KIF6: variants seen among roughly 807,000 people sequenced by gnomAD.
KIF6 encodes the protein kinesin family member 6, also known as kinesin-like protein KIF6.
KIF6 carries 106 observed loss-of-function variants against 112.7 expected under a neutral mutation model. The ratio of observed to expected loss-of-function variants is 0.94; its 90% CI spans 0.80 to 1.11. The LOEUF is 1.11. Among genes scored for constraint, KIF6 ranks in the 50% least tolerant of loss-of-function variants. KIF6 has a pLI of 0.00. For missense variants in KIF6, 929 were observed against 964.0 expected (o/e 0.96, Z 0.48); for synonymous variants, 339 against 339.9 (o/e 1.00, Z 0.03).
Position 39,431,159 on chromosome 6 carries a change from T to C in KIF6, c.1648A>G (p.Met550Val). 1.3e-6 allele frequency: 2 copies of C among 1,585,386 alleles called. No individual in the cohort carries two copies. Among genetic ancestry groups the C allele is most frequent in the Middle Eastern group, 1.7e-4 (1 of 6,036 alleles). Residue 550 changes from methionine to valine, a missense_variant and splice_region_variant, in exon 14 of 23, where the codon ATG becomes GTG. Coordinates refer to ENST00000287152, the MANE Select transcript of KIF6 (RefSeq NM_145027.6). ...CATCCTAATGACATTTCCTCTCTCA[T>C]TCCTGTTTGGAGACACAGGGAAATG... The part of the protein sequence containing the change: ...RSSLLHKKIG[M>V]REEMSLGCQE...
In KIF6 at chr6:39,599,130, A is replaced by T. The variant is rs569661902; in HGVS notation, c.640-2870T>A. ...GGATGTTGGTTACATTATTCTCTGT[A>T]CTTTTTTGTGTTTTACATTTTTTGG... On this transcript the variant is annotated intron_variant, in intron 6 of 22. Transcript: ENST00000287152. Among the ~76,000 whole-genome samples, 9 of 152,322 alleles carry T rather than the reference A, an allele frequency of 5.9e-5. No individual in the cohort carries two copies. In the East Asian group the frequency reaches 1.5e-3, roughly 26 times the overall value.
intron 13 of KIF6, among the ~76,000 whole-genome samples, chr6:39,539,680 A>G (rs1228174533): frequency 1.3e-5 from 2 of 152,114 alleles, no homozygotes; most frequent in Non-Finnish European, 2.9e-5. Context: ...CAGATAGTTC[A>G]TTTGGATTTA....
intron 3 of KIF6, among the ~76,000 whole-genome samples, chr6:39,641,097 T>C (rs1352799237): frequency 6.6e-6 from 1 of 152,176 alleles, no homozygotes; most frequent in Non-Finnish European, 1.5e-5. Context: ...AGAATCTTTT[T>C]CCTCAACAGA....
chr6:39,385,771 AGGTAGAGTAAGGG>A, intron 15 of KIF6, 99 bp from the exon 16 acceptor site: 1 of 772,352 alleles, frequency 1.3e-6, no homozygotes, highest in African/African-American at 1.8e-5. Context: ...AAAAAAAAAA[AGGTAGAGTAAGGG>A]AAACAAAAGC....
At chr6:39,600,401 C>T (rs1196773052) in intron 6 of KIF6, among the ~76,000 whole-genome samples, 1 of 152,014 alleles carries the variant, frequency 6.6e-6, no homozygotes, top group African/African-American at 2.4e-5. Flanking sequence ...TGGATGTTGC[C>T]CTCAAGGAAC....
At chr6:39,705,828 T>A (rs768757288) in intron 3 of KIF6, among the ~76,000 whole-genome samples, 11 of 152,194 alleles carry the variant, frequency 7.2e-5, no homozygotes, top group Non-Finnish European at 1.3e-4. Flanking sequence ...AACCTGCTCC[T>A]TAAAGGACCC....
intron 15 of KIF6, among the ~76,000 whole-genome samples, chr6:39,408,363 A>G (rs1049812539): frequency 7.2e-5 from 11 of 152,192 alleles, no homozygotes; most frequent in African/African-American, 2.7e-4. Flanking sequence ...CCCTAATTCT[A>G]CTTCTACTCA....
At chr6:39,539,160 A>G (rs1326006594) in intron 13 of KIF6, among the ~76,000 whole-genome samples, 1 of 151,686 alleles carries the variant, frequency 6.6e-6, no homozygotes. Context: ...TGGCACATGT[A>G]TACATATGTA....
At chr6:39,494,605 G>T (rs1775666886) in intron 13 of KIF6, among the ~76,000 whole-genome samples, 1 of 152,106 alleles carries the variant, frequency 6.6e-6, no homozygotes, top group Non-Finnish European at 1.5e-5. Flanking sequence ...TCTCTAGAAA[G>T]AAATCCTAAT....
At chr6:39,545,291 C>T (rs1218391076) in intron 11 of KIF6, among the ~76,000 whole-genome samples, 2 of 152,102 alleles carry the variant, frequency 1.3e-5, no homozygotes, top group Non-Finnish European at 2.9e-5. Context: ...ATGCAATTCT[C>T]TTGATATAGC....
At chr6:39,554,268 T>A (rs1310933303) in intron 10 of KIF6, 1 of 153,340 alleles carries the variant, frequency 6.5e-6, no homozygotes, top group Non-Finnish European at 1.5e-5. Flanking sequence ...CCTCCTACCA[T>A]ACTGGCCACA....
At chr6:39,452,092 C>T (rs1772735378) in intron 13 of KIF6, among the ~76,000 whole-genome samples, 1 of 152,174 alleles carries the variant, frequency 6.6e-6, no homozygotes, top group Non-Finnish European at 1.5e-5. Flanking sequence ...CTGTTTTGGG[C>T]AACTGTTTTT....
intron 13 of KIF6, among the ~76,000 whole-genome samples, chr6:39,537,060 G>T (rs1248414899): frequency 2.0e-5 from 3 of 152,020 alleles, no homozygotes; most frequent in Admixed American, 2.0e-4. Context: ...TTGATGGGAC[G>T]TATCTCAAAA....
At chr6:39,503,020 A>C (rs1015249127) in intron 13 of KIF6, among the ~76,000 whole-genome samples, 2 of 152,198 alleles carry the variant, frequency 1.3e-5, no homozygotes, top group Non-Finnish European at 2.9e-5. Context: ...TCTCCTCCCC[A>C]AAACAACAGA....
chr6:39,508,772 A>T (rs760648229), intron 13 of KIF6, among the ~76,000 whole-genome samples: 3 of 152,164 alleles, frequency 2.0e-5, no homozygotes, highest in Non-Finnish European at 4.4e-5. Flanking sequence ...CAAGGCCTCT[A>T]TAGATTCCAC....
At chr6:39,438,081 G>A (rs1331472422) in intron 13 of KIF6, among the ~76,000 whole-genome samples, 1 of 152,052 alleles carries the variant, frequency 6.6e-6, no homozygotes, top group East Asian at 1.9e-4. Flanking sequence ...GGGTTCAAGC[G>A]ATTCTCCTGT....
chr6:39,404,432 C>T (rs1114648), intron 15 of KIF6, among the ~76,000 whole-genome samples: 110,597 of 151,778 alleles, frequency 0.73, 41,960 homozygotes, highest in South Asian at 0.89. Context: ...GAAAAAAACC[C>T]TATTCTTTCT....
intron 3 of KIF6, among the ~76,000 whole-genome samples, chr6:39,675,203 G>A (rs1186143054): frequency 6.6e-6 from 1 of 152,114 alleles, no homozygotes; most frequent in Non-Finnish European, 1.5e-5. Flanking sequence ...GATGGAGAAA[G>A]AAGGCTGACA....
At chr6:39,657,166 GA>G (rs1243099187) in intron 3 of KIF6, among the ~76,000 whole-genome samples, 1 of 151,608 alleles carries the variant, frequency 6.6e-6, no homozygotes, top group African/African-American at 2.4e-5. Flanking sequence ...CCTGGAGGCG[GA>G]GGTTGCAGTG....
Sources: allele counts gnomAD v4.1 joint callset (sites outside exome capture counted in the v4.1 genomes callset), GRCh38; gene constraint gnomAD v4.1.1; transcripts MANE v1.5; gene names NCBI Gene and HGNC (gene_info 2026-07-23, HGNC 2026-07-21).